Variants in ZFYVE26 observed in about 807,000 individuals in gnomAD.
The protein encoded by ZFYVE26 is zinc finger FYVE-type containing 26.
In ZFYVE26, 181 loss-of-function variants were observed where a neutral mutation model predicts 276.5. That is an observed-to-expected ratio of 0.65 (90% CI 0.58 to 0.74). ZFYVE26 has a LOEUF of 0.74. Among genes scored for constraint, ZFYVE26 ranks in the 30% least tolerant of loss-of-function variants. ZFYVE26 has a pLI of 0.00. For synonymous variants in ZFYVE26, 1,129 were observed against 1,203.1 expected (o/e 0.94, Z 1.27); for missense variants, 2,821 against 3,097.9 (o/e 0.91, Z 2.12).
intron 37 of ZFYVE26, among the ~76,000 whole-genome samples, 199 bp downstream of exon 37, chr14:67,754,852 A>T (rs577436604): frequency 1.3e-5 from 2 of 152,116 alleles, no homozygotes; most frequent in Admixed American, 1.3e-4. Flanking sequence ...TGTGATGCTA[A>T]TCCTCCCTCC....
At chr14:67,768,300 C>T (rs570872940) in intron 30 of ZFYVE26, among the ~76,000 whole-genome samples, 1 of 152,336 alleles carries the variant, frequency 6.6e-6, no homozygotes, top group East Asian at 1.9e-4. Flanking sequence ...TGGTTGCTGG[C>T]CTTCTCAATG....
In ZFYVE26 at chr14:67,816,006, T is replaced by C; in HGVS notation, c.-43A>G. 3.4e-6 allele frequency: 5 copies of C among 1,491,364 alleles called. No individual in the cohort carries two copies. Among genetic ancestry groups the C allele is most frequent in the East Asian group, 2.3e-5 (1 of 42,730 alleles). 92.4% of individuals were successfully genotyped at this position (1,491,364 alleles called of 1,614,324 possible). ...CAGGGAGATACAAAGAAATGAGTTA[T>C]GCCGAACACATTCTCAATGTTCTCA... is the stretch of plus-strand genomic sequence containing the variant. On this transcript the variant is annotated 5_prime_UTR_variant, in exon 2 of 42. Coordinates refer to ENST00000347230, the MANE Select transcript of ZFYVE26 (RefSeq NM_015346.4).
chr14:67,779,324 A>G (rs976190632), intron 23 of ZFYVE26, among the ~76,000 whole-genome samples: 1 of 152,212 alleles, frequency 6.6e-6, no homozygotes, highest in African/African-American at 2.4e-5. Flanking sequence ...GCACCTTGGG[A>G]GGCCAAGGTG....
chr14:67,798,744 A>G (rs2040015219), intron 10 of ZFYVE26, 122 bp from the exon 11 acceptor site: 1 of 1,267,536 alleles, frequency 7.9e-7, no homozygotes. Flanking sequence ...TTATTTTTTA[A>G]TTATAAGGGA....
intron 13 of ZFYVE26, among the ~76,000 whole-genome samples, chr14:67,738,940 A>G (rs1204420978): frequency 6.6e-6 from 1 of 152,202 alleles, no homozygotes; most frequent in Non-Finnish European, 1.5e-5. Flanking sequence ...GCCTCCCCAC[A>G]GAGATCCATA....
intron 23 of ZFYVE26, 82 bp from the exon 24 acceptor site, chr14:67,778,330 G>A: frequency 1.9e-6 from 3 of 1,588,178 alleles, no homozygotes. Flanking sequence ...CAAAGCCCCA[G>A]GAATGTTTAT....
chr14:67,750,830 A>C, intron 41 of ZFYVE26: 1 of 627,418 alleles, frequency 1.6e-6, no homozygotes, highest in South Asian at 1.8e-5. Flanking sequence ...TTGGGGATAA[A>C]GACTTGGGAA....
chr14:67,745,803 A>G (rs563328610), downstream of ZFYVE26, among the ~76,000 whole-genome samples: 1 of 151,978 alleles, frequency 6.6e-6, no homozygotes, highest in Non-Finnish European at 1.5e-5. Context: ...ATGAGGCAGG[A>G]TTGCTTAAGC....
intron 16 of ZFYVE26, among the ~76,000 whole-genome samples, chr14:67,786,858 T>C (rs1253684374): frequency 1.3e-5 from 2 of 152,292 alleles, no homozygotes; most frequent in East Asian, 1.9e-4. Context: ...TATACAGTTA[T>C]GGAAAAGAAT....
intron 10 of ZFYVE26, among the ~76,000 whole-genome samples, chr14:67,801,630 A>G (rs969625499): frequency 6.6e-6 from 1 of 152,240 alleles, no homozygotes; most frequent in African/African-American, 2.4e-5. Flanking sequence ...GCTGTGACCT[A>G]TGAAATTGCC....
chr14:67,798,453 A>G lies in ZFYVE26; in HGVS notation c.1809T>C (p.Asp603=), dbSNP rs1168529235. 6 of 1,614,030 alleles carry G rather than the reference A, an allele frequency of 3.7e-6. No individual in the cohort carries two copies. The highest frequency in any genetic ancestry group is 2.7e-5 in the African/African-American group (2 of 74,908). Reference sequence around the variant, plus strand: ...CTGAGGGGCTCTTCCCCTCAATGTCATCATCCTCAGCATAGTCCTCAGGCA... The same window carrying G: ...CTGAGGGGCTCTTCCCCTCAATGTCGTCATCCTCAGCATAGTCCTCAGGCA... ...PHLPEDYAED[D]DIEGKSPSGL... Residue 603 remains aspartate, a synonymous_variant, in exon 11 of 42, where the codon GAT becomes GAC. Coordinates refer to ENST00000347230, the MANE Select transcript of ZFYVE26 (RefSeq NM_015346.4).
At chr14:67,788,382 C>A (rs534139433) in intron 16 of ZFYVE26, among the ~76,000 whole-genome samples, 3 of 152,134 alleles carry the variant, frequency 2.0e-5, no homozygotes, top group Non-Finnish European at 4.4e-5. Context: ...GGGGACAGAG[C>A]GAGATTCTAT....
exon 14 of ZFYVE26, chr14:67,729,435 A>C (rs1266966961): frequency 7.1e-6 from 11 of 1,540,490 alleles, no homozygotes; most frequent in Non-Finnish European, 9.7e-6. Context: ...GAGGTGCCGG[A>C]CTCGCTGGGC....
chr14:67,762,848 A>G, intron 32 of ZFYVE26, 29 bp from the exon 33 acceptor site: 1 of 1,612,582 alleles, frequency 6.2e-7, no homozygotes, highest in Non-Finnish European at 8.5e-7. Flanking sequence ...CAAGGCCATG[A>G]GGCTCCCTAG....
At chr14:67,798,904 G>A (rs2040019593) in intron 10 of ZFYVE26, 2 of 953,536 alleles carry the variant, frequency 2.1e-6, no homozygotes, top group South Asian at 1.5e-5. Flanking sequence ...CCCCGCCCCC[G>A]GGGAGGGCGC....
At chr14:67,774,964 A>T in intron 27 of ZFYVE26, 52 bp downstream of exon 27, 1 of 1,309,976 alleles carries the variant, frequency 7.6e-7, no homozygotes. Context: ...AGGATAGAAT[A>T]AGGCAAGACT....
intron 16 of ZFYVE26, among the ~76,000 whole-genome samples, chr14:67,788,080 C>T (rs1247996725): frequency 8.9e-5 from 12 of 134,276 alleles, no homozygotes; most frequent in Non-Finnish European, 1.1e-4. Flanking sequence ...GTTTTTGTCA[C>T]CAGTCCTCGA....
In ZFYVE26 at chr14:67,807,482, T is replaced by C; in HGVS notation, c.802A>G (p.Ser268Gly). 1 of 1,614,162 alleles carries C rather than the reference T, an allele frequency of 6.2e-7. No individual in the cohort carries two copies. Among genetic ancestry groups the C allele is most frequent in the South Asian group, 1.1e-5 (1 of 91,086 alleles). ...CCATACAGGGACAGCAGGCCCCGGCTGGCCTTGTGCAGCAGGCAGCTGAGC... is the reference window on the plus strand; with the variant it reads ...CCATACAGGGACAGCAGGCCCCGGCCGGCCTTGTGCAGCAGGCAGCTGAGC... ...RLLSCLLHKASRGLLSLYGHT... is the reference protein window; with the variant it reads ...RLLSCLLHKAGRGLLSLYGHT... The change falls in exon 5 of 42, where the codon AGC (serine) becomes GGC (glycine). Residue 268 changes from serine to glycine, a missense_variant. Physicochemically the swap from Ser to Gly is moderately conservative, Grantham distance 56. Transcript: ENST00000347230.
In ZFYVE26 at chr14:67,805,346, A is replaced by T. The variant is rs2040157562; in HGVS notation, c.1183-41T>A. 3.1e-6 allele frequency: 5 copies of T among 1,613,662 alleles called. No individual in the cohort carries two copies. The African/African-American group carries it at 6.7e-5, about 22-fold the overall frequency. On this transcript the variant is annotated intron_variant, in intron 7 of 41. Transcript: ENST00000347230. ...AGAAGAAAGAGATGCTGACTCAGGCACCTGGGGTTACAGATTATGACTGAT... is the reference window on the plus strand; with the variant it reads ...AGAAGAAAGAGATGCTGACTCAGGCTCCTGGGGTTACAGATTATGACTGAT...
Sources: gnomAD v4.1 joint callset for allele counts (sites outside exome capture counted in the v4.1 genomes callset) on GRCh38, gnomAD v4.1.1 for gene constraint, MANE v1.5 for transcripts, NCBI Gene and HGNC (gene_info 2026-07-23, HGNC 2026-07-21) for gene names.